AK7: variants seen among roughly 807,000 people sequenced by gnomAD.
The protein encoded by AK7 is ATP-AMP transphosphorylase 7.
AK7 carries 78 observed loss-of-function variants against 96.6 expected under a neutral mutation model. The ratio of observed to expected loss-of-function variants is 0.81; its 90% CI spans 0.67 to 0.97. The LOEUF (loss-of-function observed/expected upper bound fraction) is 0.97. Ranked by LOEUF, AK7 falls within the 50% of genes least tolerant of loss-of-function variation. AK7 has a pLI of 0.00. For synonymous variants in AK7, 302 were observed against 317.2 expected (o/e 0.95, Z 0.51); for missense variants, 855 against 887.9 (o/e 0.96, Z 0.47).
At chr14:96,465,232 C>T (rs540714191) in intron 12 of AK7, among the ~76,000 whole-genome samples, 3 of 152,084 alleles carry the variant, frequency 2.0e-5, no homozygotes, top group Non-Finnish European at 4.4e-5. Context: ...GAGGCCGAGG[C>T]GGGCGGATCA....
At position 96,458,149 on chromosome 14, in the gene AK7, G is replaced by T; in HGVS notation, c.1294G>T (p.Glu432Ter). The change falls in exon 12 of 18, where the codon GAG (glutamate) becomes TAG (stop). Residue 432 changes from glutamate (E) to a stop codon, truncating the protein, a stop_gained. Coordinates refer to ENST00000267584, the MANE Select transcript of AK7 (RefSeq NM_152327.5). LOFTEE classifies it high-confidence loss of function. ...AGAAGTCGAAGAGGAAGAGGAGGAG[G>T]AGAATGTGGAAGATGCACAGGAGCT... ...EEEVEEEEEEENVEDAQELLD... is the reference protein window; with the variant it reads ...EEEVEEEEEE 2.5e-6 allele frequency: 4 copies of T among 1,614,070 alleles called. No homozygotes were observed. The highest frequency in any genetic ancestry group is 3.4e-6 in the Non-Finnish European group (4 of 1,179,988).
Position 96,408,940 on chromosome 14 carries a change from C to G in AK7, c.497C>G (p.Pro166Arg), listed in dbSNP as rs899370170. 4 of 1,613,932 alleles carry G rather than the reference C, an allele frequency of 2.5e-6. No individual in the cohort carries two copies. The highest frequency in any genetic ancestry group is 1.7e-5 in the Admixed American group (1 of 60,012). Residue 166 changes from proline (P) to arginine (R), a missense_variant and splice_region_variant, in exon 4 of 18, where the codon CCC becomes CGC. By Grantham distance (103) the Pro-to-Arg change is moderately radical. Transcript: ENST00000267584. ...MTWARSKALDPEDSEVPFTEE... is the reference protein window; with the variant it reads ...MTWARSKALDREDSEVPFTEE... ...TGGGCGCGCTCCAAAGCCCTGGACCCCGTAAGTAGAGCGTTAGCTTTCCTT... is the reference window on the plus strand; with the variant it reads ...TGGGCGCGCTCCAAAGCCCTGGACCGCGTAAGTAGAGCGTTAGCTTTCCTT...
chr14:96,447,116 G>A (rs1216888480), intron 8 of AK7, among the ~76,000 whole-genome samples: 1 of 152,064 alleles, frequency 6.6e-6, no homozygotes, highest in Non-Finnish European at 1.5e-5. Context: ...TCTTTTATAT[G>A]TACAGAGGGA....
intron 12 of AK7, among the ~76,000 whole-genome samples, chr14:96,461,564 C>T (rs1367769628): frequency 6.6e-6 from 1 of 152,104 alleles, no homozygotes; most frequent in Non-Finnish European, 1.5e-5. Context: ...GCTAACAGGA[C>T]TCAGCAAACA....
chr14:96,454,804 C>T (rs1336912126), intron 10 of AK7, among the ~76,000 whole-genome samples: 1 of 152,058 alleles, frequency 6.6e-6, no homozygotes, highest in Non-Finnish European at 1.5e-5. Context: ...CCTCAGCCTC[C>T]TAAACTGCTG....
chr14:96,462,066 A>G (rs936931741), intron 12 of AK7, among the ~76,000 whole-genome samples: 1 of 152,254 alleles, frequency 6.6e-6, no homozygotes, highest in Middle Eastern at 3.4e-3. Context: ...TGAGGCCCCC[A>G]GGCTCCAGAG....
chr14:96,456,199 T>C, intron 10 of AK7, 148 bp from the exon 11 acceptor site: 1 of 805,804 alleles, frequency 1.2e-6, no homozygotes, highest in South Asian at 2.2e-5. Flanking sequence ...ATCATGCCAC[T>C]GCACTACAGC....
At chr14:96,431,415 C>T (rs1202668009) in intron 5 of AK7, among the ~76,000 whole-genome samples, 2 of 152,216 alleles carry the variant, frequency 1.3e-5, no homozygotes, top group Non-Finnish European at 2.9e-5. Flanking sequence ...AAATTTCCCT[C>T]TACACACTGC....
intron 5 of AK7, among the ~76,000 whole-genome samples, chr14:96,430,430 C>T (rs1407974561): frequency 2.6e-5 from 4 of 152,042 alleles, no homozygotes; most frequent in South Asian, 2.1e-4. Flanking sequence ...CCTCGTGATC[C>T]GCCCACCTCT....
chr14:96,405,885 G>C (rs991898128), intron 3 of AK7, among the ~76,000 whole-genome samples: 5 of 152,170 alleles, frequency 3.3e-5, no homozygotes, highest in Admixed American at 6.5e-5. Context: ...GTGCTTTTGT[G>C]ATTCACCTCC....
chr14:96,420,507 G>T, intron 4 of AK7, among the ~76,000 whole-genome samples: 1 of 151,066 alleles, frequency 6.6e-6, no homozygotes, highest in East Asian at 2.0e-4. Flanking sequence ...GACAGAGAAA[G>T]ACTCCATCTC....
At chr14:96,425,516 T>A (rs1182220660) in intron 5 of AK7, among the ~76,000 whole-genome samples, 14 of 144,948 alleles carry the variant, frequency 9.7e-5, no homozygotes, top group Non-Finnish European at 1.6e-4. Context: ...AGAGTCTTGC[T>A]CTGTTGCGTA....
intron 7 of AK7, 118 bp from the exon 8 acceptor site, chr14:96,446,399 A>T: frequency 1.3e-6 from 1 of 768,952 alleles, no homozygotes; most frequent in Non-Finnish European, 2.3e-6. Flanking sequence ...AAATGGAGAT[A>T]ACTTATCAAA....
At chr14:96,476,604 A>G (rs944982576) in intron 14 of AK7, among the ~76,000 whole-genome samples, 2 of 152,096 alleles carry the variant, frequency 1.3e-5, no homozygotes, top group Admixed American at 6.6e-5. Flanking sequence ...GCAGAAATCT[A>G]TTACTCGCTA....
intron 5 of AK7, among the ~76,000 whole-genome samples, chr14:96,437,213 T>C (rs1735612620): frequency 6.6e-6 from 1 of 152,146 alleles, no homozygotes; most frequent in African/African-American, 2.4e-5. Context: ...AAGAGTATAA[T>C]TGGAGTGTTT....
intron 17 of AK7, chr14:96,487,934 T>C (rs1222145204): frequency 8.9e-6 from 3 of 335,616 alleles, no homozygotes; most frequent in Non-Finnish European, 1.7e-5. Flanking sequence ...TATTTTGATA[T>C]AGAGTTTCAC....
intron 4 of AK7, among the ~76,000 whole-genome samples, chr14:96,412,160 G>A (rs1271158599): frequency 6.6e-6 from 1 of 151,878 alleles, no homozygotes; most frequent in Non-Finnish European, 1.5e-5. Flanking sequence ...CTATAAGATA[G>A]ACTTGGGATG....
chr14:96,436,337 TA>T (rs1892633013), intron 5 of AK7, among the ~76,000 whole-genome samples: 1 of 152,104 alleles, frequency 6.6e-6, no homozygotes, highest in Non-Finnish European at 1.5e-5. Context: ...AGAGCCTGAG[TA>T]ACATTCTTCC....
intron 5 of AK7, among the ~76,000 whole-genome samples, chr14:96,434,422 G>GTCTGTC (rs1292793971): frequency 4.0e-5 from 6 of 149,320 alleles, no homozygotes; most frequent in African/African-American, 9.8e-5. Flanking sequence ...CTGTCTGTCT[G>GTCTGTC]TCTCTCTCTC....
Sources: gnomAD v4.1 joint callset for allele counts (sites outside exome capture counted in the v4.1 genomes callset) on GRCh38, gnomAD v4.1.1 for gene constraint, MANE v1.5 for transcripts, NCBI Gene and HGNC (gene_info 2026-07-23, HGNC 2026-07-21) for gene names.